TAFA2: variants seen among roughly 807,000 people sequenced by gnomAD.
The protein encoded by TAFA2 is TAFA chemokine like family member 2.
In TAFA2, 7 loss-of-function variants were observed where a neutral mutation model predicts 18.8. The ratio of observed to expected loss-of-function variants is 0.37; its 90% CI spans 0.21 to 0.70. The LOEUF (loss-of-function observed/expected upper bound fraction) is 0.70, where lower values mean the gene tolerates loss of function less well. Ranked by LOEUF, TAFA2 falls within the 30% of genes least tolerant of loss-of-function variation. TAFA2 has a pLI of 0.53. For synonymous variants in TAFA2, 60 were observed against 54.2 expected, an observed-to-expected ratio of 1.11 and a Z score of -0.47; for missense variants, 122 against 158.1, an observed-to-expected ratio of 0.77 and a Z score of 1.23.
intron 1 of TAFA2, among the ~76,000 whole-genome samples, chr12:62,185,778 A>G (rs2062581977): frequency 6.6e-6 from 1 of 152,214 alleles, no homozygotes; most frequent in Non-Finnish European, 1.5e-5. Flanking sequence ...TCACAAATTC[A>G]TTCCATCAAT....
intron 1 of TAFA2, among the ~76,000 whole-genome samples, chr12:62,053,605 T>C (rs1882112289): frequency 6.6e-6 from 1 of 152,176 alleles, no homozygotes; most frequent in South Asian, 2.1e-4. Context: ...ACACAAAGCT[T>C]CTAGACTGCC....
chr12:61,921,617 T>C (rs1456786967), intron 1 of TAFA2, among the ~76,000 whole-genome samples: 2 of 152,140 alleles, frequency 1.3e-5, no homozygotes, highest in African/African-American at 2.4e-5. Context: ...ATTTCCATTT[T>C]GTACACATCA....
intron 4 of TAFA2, among the ~76,000 whole-genome samples, chr12:61,724,215 T>C (rs1422273067): frequency 6.6e-6 from 1 of 152,174 alleles, no homozygotes; most frequent in Non-Finnish European, 1.5e-5. Context: ...ATTTTTATTT[T>C]TTATTGTTGA....
intron 1 of TAFA2, among the ~76,000 whole-genome samples, chr12:62,210,871 T>C (rs1053474342): frequency 2.6e-5 from 4 of 152,190 alleles, no homozygotes; most frequent in African/African-American, 9.7e-5. Flanking sequence ...TTTCACACTT[T>C]TCTTTAAGGT....
At chr12:61,824,170 C>G (rs139148452) in intron 2 of TAFA2, among the ~76,000 whole-genome samples, 70 of 152,256 alleles carry the variant, frequency 4.6e-4, no homozygotes, top group African/African-American at 1.7e-3. Flanking sequence ...AGTCCTACCA[C>G]TTCAAGGAAA....
chr12:62,038,367 C>A (rs1395773822), intron 1 of TAFA2, among the ~76,000 whole-genome samples: 2 of 152,132 alleles, frequency 1.3e-5, no homozygotes, highest in Non-Finnish European at 2.9e-5. Context: ...TCTTTGTCTG[C>A]AGGCTCTGCA....
Position 61,769,725 on chromosome 12 carries a change from CA to C in TAFA2, c.107-14702del, listed in dbSNP as rs1294914253. ...TAATTAAGGGAGCACCACATGGGAA[CA>C]AAAAATCTGATCAGCAGCCCCTGAG... On this transcript the variant is annotated intron_variant, in intron 2 of 4. Coordinates refer to ENST00000416284, the MANE Select transcript of TAFA2 (RefSeq NM_178539.5). 3.3e-5 allele frequency among the ~76,000 whole-genome samples: 5 copies of C among 152,160 alleles called. No homozygotes were observed. The East Asian group carries it at 5.8e-4, about 18-fold the overall frequency.
chr12:62,017,136 T>C (rs1880965121), intron 1 of TAFA2, among the ~76,000 whole-genome samples: 1 of 152,180 alleles, frequency 6.6e-6, no homozygotes, highest in Non-Finnish European at 1.5e-5. Context: ...AAACTCAAGT[T>C]ATTTAATCTC....
At chr12:61,942,313 C>G (rs1442113720) in intron 1 of TAFA2, among the ~76,000 whole-genome samples, 2 of 148,220 alleles carry the variant, frequency 1.3e-5, no homozygotes, top group Non-Finnish European at 3.0e-5. Flanking sequence ...ACATCACCAT[C>G]ATCAAAGACC....
At chr12:62,034,862 A>C (rs1881556892) in intron 1 of TAFA2, among the ~76,000 whole-genome samples, 1 of 152,210 alleles carries the variant, frequency 6.6e-6, no homozygotes, top group Non-Finnish European at 1.5e-5. Flanking sequence ...ATGCTCATTA[A>C]ATTTTTAAAA....
In TAFA2 at chr12:61,951,090, G is replaced by GA. The variant is rs376971973; in HGVS notation, c.-1-83665dup. Reference sequence around the variant, plus strand: ...ATTAGATGCTGGTAGTTCCAGAGACGAAAAAAGATCTCAGAAAAAGACTCA... The same window carrying GA: ...ATTAGATGCTGGTAGTTCCAGAGACGAAAAAAAGATCTCAGAAAAAGACTCA... On this transcript the variant is annotated intron_variant, in intron 1 of 4. Transcript: ENST00000416284. 5.1e-3 allele frequency among the ~76,000 whole-genome samples: 774 copies of GA among 152,026 alleles called. 6 individuals carry two copies. Among genetic ancestry groups the GA allele is most frequent in the African/African-American group, 0.018 (728 of 41,480 alleles).
At chr12:62,189,351 A>G (rs1035896881) in intron 1 of TAFA2, among the ~76,000 whole-genome samples, 1 of 152,230 alleles carries the variant, frequency 6.6e-6, no homozygotes, top group Admixed American at 6.5e-5. Flanking sequence ...AAAATTAGGA[A>G]AATGAAAATA....
chr12:61,889,843 T>C (rs1190077308), intron 1 of TAFA2, among the ~76,000 whole-genome samples: 1 of 152,214 alleles, frequency 6.6e-6, no homozygotes. Context: ...GAGTTCTCTA[T>C]GCATTGGACT....
intron 1 of TAFA2, among the ~76,000 whole-genome samples, chr12:61,939,855 C>G (rs1474502078): frequency 6.6e-6 from 1 of 152,200 alleles, no homozygotes; most frequent in Non-Finnish European, 1.5e-5. Context: ...AATCTCTAAT[C>G]TTGGAGCAGT....
chr12:62,111,472 C>T (rs977041644), intron 1 of TAFA2, among the ~76,000 whole-genome samples: 8 of 152,054 alleles, frequency 5.3e-5, no homozygotes, highest in Admixed American at 3.3e-4. Context: ...TGTTGATTTG[C>T]GGTGGAGATT....
At chr12:62,042,430 C>CACGT (rs1555185804) in intron 1 of TAFA2, among the ~76,000 whole-genome samples, 3 of 94,552 alleles carry the variant, frequency 3.2e-5, no homozygotes, top group East Asian at 5.5e-4. Flanking sequence ...TGTGTGTGTG[C>CACGT]GCGTGTGTGT....
intron 4 of TAFA2, among the ~76,000 whole-genome samples, chr12:61,721,699 T>C (rs1341629960): frequency 6.6e-6 from 1 of 152,264 alleles, no homozygotes; most frequent in Non-Finnish European, 1.5e-5. Flanking sequence ...CTCATGCCTG[T>C]TATCCCAACA....
At chr12:62,230,827 C>T (rs2062809205) in intron 1 of TAFA2, among the ~76,000 whole-genome samples, 1 of 152,104 alleles carries the variant, frequency 6.6e-6, no homozygotes, top group African/African-American at 2.4e-5. Flanking sequence ...ACAGTGTGTA[C>T]CACTAGGTCT....
At chr12:61,877,383 T>C (rs184611804) in intron 1 of TAFA2, among the ~76,000 whole-genome samples, 16 of 152,318 alleles carry the variant, frequency 1.1e-4, no homozygotes, top group Non-Finnish European at 1.3e-4. Context: ...GGTATTTTCC[T>C]GCAGTATGCA....
Sources: allele counts gnomAD v4.1 joint callset (sites outside exome capture counted in the v4.1 genomes callset), GRCh38; gene constraint gnomAD v4.1.1; transcripts MANE v1.5; gene names NCBI Gene and HGNC (gene_info 2026-07-23, HGNC 2026-07-21).